The following NAV2 variants were observed in gnomAD, a reference collection of about 807,000 sequenced individuals.
The protein encoded by NAV2 is helicase, APC down-regulated 1.
NAV2 carries 54 observed loss-of-function variants against 223.2 expected under a neutral mutation model. That is an observed-to-expected ratio of 0.24 (90% confidence interval 0.19 to 0.30). The LOEUF is 0.30. Ranked by LOEUF, NAV2 falls within the 10% of genes least tolerant of loss-of-function variation. The pLI is 1.00. For missense variants in NAV2, 2,806 were observed against 3,147.5 expected, an observed-to-expected ratio of 0.89 and a Z score of 2.60; for synonymous variants, 1,279 against 1,239.3, an observed-to-expected ratio of 1.03 and a Z score of -0.67.
At chr11:20,105,401 C>A in intron 34 of NAV2, 130 bp from the exon 35 acceptor site, 1 of 681,794 alleles carries the variant, frequency 1.5e-6, no homozygotes, top group Non-Finnish European at 2.5e-6. Flanking sequence ...GAAGAGTGTT[C>A]GGTGCATAGC....
intron 6 of NAV2, among the ~76,000 whole-genome samples, chr11:19,896,259 C>T (rs1444981482): frequency 2.0e-5 from 3 of 152,140 alleles, no homozygotes; most frequent in African/African-American, 7.2e-5. Flanking sequence ...GTGGTACAGC[C>T]AATGCCTGGA....
intron 4 of NAV2, among the ~76,000 whole-genome samples, chr11:19,876,710 G>A (rs1034820844): frequency 1.3e-5 from 2 of 151,962 alleles, no homozygotes; most frequent in African/African-American, 4.8e-5. Context: ...GGTTATGGAG[G>A]GAGCTGATGT....
At chr11:19,762,173 G>A (rs2152545377) in intron 1 of NAV2, among the ~76,000 whole-genome samples, 1 of 152,306 alleles carries the variant, frequency 6.6e-6, no homozygotes, top group South Asian at 2.1e-4. Flanking sequence ...AACCCGGAAG[G>A]TGGAGGCTGC....
intron 10 of NAV2, among the ~76,000 whole-genome samples, chr11:19,964,135 A>G (rs2048560040): frequency 6.6e-6 from 1 of 152,090 alleles, no homozygotes; most frequent in Non-Finnish European, 1.5e-5. Context: ...GTTAATTAAA[A>G]CCACTCAACC....
intron 11 of NAV2, among the ~76,000 whole-genome samples, chr11:19,991,089 A>C (rs1226778319): frequency 6.6e-6 from 1 of 152,180 alleles, no homozygotes; most frequent in Non-Finnish European, 1.5e-5. Flanking sequence ...GAGGGTGGTG[A>C]AAGTGTTTTT....
intron 22 of NAV2, among the ~76,000 whole-genome samples, chr11:20,072,724 T>G (rs1013357612): frequency 9.2e-5 from 14 of 152,232 alleles, no homozygotes; most frequent in African/African-American, 3.1e-4. Flanking sequence ...ACTCATGATT[T>G]GGTTCTCTGT....
chr11:19,752,861 C>G (rs1246287577), intron 1 of NAV2, among the ~76,000 whole-genome samples: 4 of 152,086 alleles, frequency 2.6e-5, no homozygotes, highest in African/African-American at 7.2e-5. Context: ...GAATTGTGTT[C>G]CCCCAAATTC....
chr11:19,673,317 C>A (rs1199898217), intron 1 of NAV2, among the ~76,000 whole-genome samples: 1 of 152,112 alleles, frequency 6.6e-6, no homozygotes, highest in Non-Finnish European at 1.5e-5. Flanking sequence ...GTGCTGGGTG[C>A]CTTATGCACA....
intron 1 of NAV2, among the ~76,000 whole-genome samples, chr11:19,685,475 A>G (rs2048998404): frequency 6.6e-6 from 1 of 152,092 alleles, no homozygotes. Context: ...CTGAGGAGTC[A>G]AGCTCTGCGG....
intron 3 of NAV2, among the ~76,000 whole-genome samples, chr11:19,853,542 A>T (rs1038069860): frequency 3.3e-5 from 5 of 152,102 alleles, no homozygotes; most frequent in African/African-American, 9.7e-5. Context: ...AGCTATTGTT[A>T]GTGTATTTTT....
rs144065008 is a variant in NAV2, at chr11:19,374,794, C to T, written c.75+23767C>T. On this transcript the variant is annotated intron_variant, in intron 1 of 37. Coordinates refer to the NAV2 transcript ENST00000360655. ...CCCGCTTTGTTCTCCAACTGTTTGG[C>T]CCACCTGGCAATTTGACTCCCATTG... is the stretch of plus-strand genomic sequence containing the variant. 8.9e-4 allele frequency among the ~76,000 whole-genome samples: 135 copies of T among 152,306 alleles called. 1 individual carries two copies. The highest frequency in any genetic ancestry group is 6.8e-3 in the Middle Eastern group (2 of 294).
chr11:19,634,716 A>G (rs55845580), intron 1 of NAV2, among the ~76,000 whole-genome samples: 18,105 of 152,188 alleles, frequency 0.12, 2,917 homozygotes, highest in African/African-American at 0.37. Context: ...GGAAGAGGCA[A>G]TTAAACATTT....
Position 20,077,585 on chromosome 11 carries a change from G to A in NAV2, c.5017G>A (p.Gly1673Ser). Residue 1673 changes from glycine to serine, a missense_variant, in exon 23 of 38, where the codon GGT becomes AGT. Transcript: ENST00000349880. ...HLVAAFEQSLGNMTIRLQSLT... is the reference protein window; with the variant it reads ...HLVAAFEQSLSNMTIRLQSLT... ...TGTGGCAGCCTTTGAACAGAGTCTT[G>A]GTAACATGACAATCAGGCTCCAGAG... The A allele has an allele frequency of 1.2e-6, 2 of 1,614,046 alleles. No homozygotes were observed. Among genetic ancestry groups the A allele is most frequent in the Non-Finnish European group, 1.7e-6 (2 of 1,179,944 alleles).
intron 1 of NAV2, among the ~76,000 whole-genome samples, chr11:19,446,158 C>G (rs1182350975): frequency 2.0e-5 from 3 of 152,154 alleles, no homozygotes; most frequent in Admixed American, 6.5e-5. Context: ...TTATCTAGCT[C>G]TACATTCACC....
chr11:20,015,041 A>T (rs1444192210), intron 11 of NAV2, among the ~76,000 whole-genome samples: 1 of 152,220 alleles, frequency 6.6e-6, no homozygotes, highest in Non-Finnish European at 1.5e-5. Context: ...AGTTTCAAGG[A>T]GCTGAGATTG....
At chr11:19,693,906 T>A (rs951527137) in intron 1 of NAV2, among the ~76,000 whole-genome samples, 3 of 152,214 alleles carry the variant, frequency 2.0e-5, no homozygotes. Context: ...CTGTAAAATA[T>A]CATTAGGCCG....
At chr11:19,660,860 T>C (rs769851061) in intron 1 of NAV2, among the ~76,000 whole-genome samples, 17 of 152,320 alleles carry the variant, frequency 1.1e-4, no homozygotes, top group Non-Finnish European at 1.8e-4. Context: ...ATAGCACTTT[T>C]CTGTGCAAAT....
chr11:19,986,587 C>T (rs921248066), intron 11 of NAV2, among the ~76,000 whole-genome samples: 1 of 152,116 alleles, frequency 6.6e-6, no homozygotes, highest in Non-Finnish European at 1.5e-5. Flanking sequence ...GCCATTGCAG[C>T]CATTGCATTC....
intron 22 of NAV2, among the ~76,000 whole-genome samples, chr11:20,076,911 G>A (rs1190216474): frequency 6.6e-6 from 1 of 152,238 alleles, no homozygotes; most frequent in Non-Finnish European, 1.5e-5. Context: ...CTGTGGGAAA[G>A]TGGTAACCCC....
Sources: gnomAD v4.1 joint callset for allele counts (sites outside exome capture counted in the v4.1 genomes callset) on GRCh38, gnomAD v4.1.1 for gene constraint, MANE v1.5 for transcripts, NCBI Gene and HGNC (gene_info 2026-07-23, HGNC 2026-07-21) for gene names.